Variants in PEX7 observed in about 807,000 individuals in gnomAD.
PEX7 encodes the protein PTS2 receptor.
In PEX7, 34 loss-of-function variants were observed where a neutral mutation model predicts 47.5. That is an observed-to-expected ratio of 0.72 (90% CI 0.54 to 0.95). The LOEUF (loss-of-function observed/expected upper bound fraction) is 0.95, where lower values mean the gene tolerates loss of function less well. PEX7 is among the 40% of genes least tolerant of loss of function. The pLI is 0.00. For synonymous variants in PEX7, 141 were observed against 148.8 expected, an observed-to-expected ratio of 0.95 and a Z score of 0.38; for missense variants, 394 against 400.3, an observed-to-expected ratio of 0.98 and a Z score of 0.13.
At chr6:136,843,493 G>A (rs1562733699) in intron 3 of PEX7, among the ~76,000 whole-genome samples, 2 of 152,176 alleles carry the variant, frequency 1.3e-5, no homozygotes, top group Non-Finnish European at 2.9e-5. Flanking sequence ...TGCTTGGTGT[G>A]TGCTATAAGA....
At chr6:136,828,548 T>C (rs1774238200) in intron 3 of PEX7, among the ~76,000 whole-genome samples, 1 of 152,236 alleles carries the variant, frequency 6.6e-6, no homozygotes, top group Non-Finnish European at 1.5e-5. Flanking sequence ...AGGAAACCTC[T>C]TGAAAATAGC....
chr6:136,886,851 G>A (rs1007447107), intron 8 of PEX7, among the ~76,000 whole-genome samples: 26 of 152,016 alleles, frequency 1.7e-4, no homozygotes, highest in Non-Finnish European at 2.5e-4. Context: ...CCAGGAATTC[G>A]AGACCAGCCT....
intron 1 of PEX7, among the ~76,000 whole-genome samples, chr6:136,824,332 C>G (rs1246847353): frequency 6.6e-6 from 1 of 152,160 alleles, no homozygotes; most frequent in Non-Finnish European, 1.5e-5. Context: ...TCACCAGTAG[C>G]TGGGACCACA....
chr6:136,847,753 T>A (rs1774654809), intron 5 of PEX7, among the ~76,000 whole-genome samples: 1 of 152,230 alleles, frequency 6.6e-6, no homozygotes, highest in Non-Finnish European at 1.5e-5. Context: ...TGTAGCCTTG[T>A]AGTATAGTTT....
At chr6:136,847,287 C>T (rs9494582) in intron 5 of PEX7, among the ~76,000 whole-genome samples, 90,167 of 151,554 alleles carry the variant, frequency 0.59, 26,817 homozygotes, top group South Asian at 0.61. Context: ...TCTCCCATTT[C>T]GTAGGTTGCC....
intron 1 of PEX7, 111 bp from the exon 2 acceptor site, chr6:136,825,102 TG>T: frequency 1.1e-6 from 1 of 882,454 alleles, no homozygotes; most frequent in South Asian, 1.4e-5. Flanking sequence ...CCAAATACTT[TG>T]GGGAAAAATT....
chr6:136,911,519 CCT>C (rs1775932457), intron 9 of PEX7, among the ~76,000 whole-genome samples: 1 of 152,064 alleles, frequency 6.6e-6, no homozygotes, highest in African/African-American at 2.4e-5. Context: ...GATTCTCCCA[CCT>C]CAGCCTCCCT....
At chr6:136,893,296 C>G (rs1775589190) in intron 8 of PEX7, among the ~76,000 whole-genome samples, 1 of 152,090 alleles carries the variant, frequency 6.6e-6, no homozygotes, top group Non-Finnish European at 1.5e-5. Flanking sequence ...TTCCCTTTCC[C>G]TGCGCCAGCC....
intron 8 of PEX7, among the ~76,000 whole-genome samples, chr6:136,874,840 A>G (rs905939446): frequency 1.3e-5 from 2 of 151,992 alleles, no homozygotes; most frequent in Admixed American, 6.6e-5. Flanking sequence ...TAATTTATCA[A>G]TTAGAACTAC....
At chr6:136,840,666 G>A (rs1774479992) in intron 3 of PEX7, among the ~76,000 whole-genome samples, 1 of 152,218 alleles carries the variant, frequency 6.6e-6, no homozygotes, top group Non-Finnish European at 1.5e-5. Context: ...TATAATCTAA[G>A]TGGTAACTTA....
chr6:136,899,080 CT>C lies in PEX7; in HGVS notation c.903+857del, dbSNP rs71547049. Among the ~76,000 whole-genome samples, 491 of 111,942 alleles carry C rather than the reference CT, an allele frequency of 4.4e-3. 2 individuals carry two copies. The East Asian group carries it at 0.079, about 18-fold the overall frequency. 73.4% of individuals were successfully genotyped at this position (111,942 alleles called of 152,430 possible). ...TATGTAAGTGTTTTTTTTTTCTTTTCTTTTTTTTTTTTTTTTTTGAGACAGA... is the reference window on the plus strand; with the variant it reads ...TATGTAAGTGTTTTTTTTTTCTTTTCTTTTTTTTTTTTTTTTTGAGACAGA... On this transcript the variant is annotated intron_variant, in intron 9 of 9. Coordinates refer to ENST00000318471, the MANE Select transcript of PEX7 (RefSeq NM_000288.4).
intron 5 of PEX7, among the ~76,000 whole-genome samples, chr6:136,861,895 T>TTA (rs1481657463): frequency 2.7e-5 from 4 of 146,120 alleles, no homozygotes; most frequent in African/African-American, 5.0e-5. Flanking sequence ...TTCACTATGT[T>TTA]TATATATATA....
chr6:136,860,437 T>C (rs1774938081), intron 5 of PEX7, among the ~76,000 whole-genome samples: 1 of 146,496 alleles, frequency 6.8e-6, no homozygotes, highest in Non-Finnish European at 1.5e-5. Flanking sequence ...TTTTAAATAT[T>C]GCATGAAAGT....
chr6:136,894,167 A>AG (rs1298836939), intron 8 of PEX7, among the ~76,000 whole-genome samples: 1 of 152,188 alleles, frequency 6.6e-6, no homozygotes, highest in Non-Finnish European at 1.5e-5. Context: ...CTCCAAAAAA[A>AG]GTAATAATAG....
At chr6:136,874,911 G>T (rs1171305176) in intron 8 of PEX7, among the ~76,000 whole-genome samples, 1 of 151,900 alleles carries the variant, frequency 6.6e-6, no homozygotes, top group Non-Finnish European at 1.5e-5. Context: ...AGGCTGAGGC[G>T]GGTGGATCAC....
chr6:136,885,397 T>C (rs1775451794), intron 8 of PEX7, among the ~76,000 whole-genome samples: 1 of 152,154 alleles, frequency 6.6e-6, no homozygotes, highest in Non-Finnish European at 1.5e-5. Flanking sequence ...GACATATGGA[T>C]TTGGGGGCAA....
Position 136,900,596 on chromosome 6 carries a change from G to A in PEX7, c.903+2355G>A. Reference sequence around the variant, plus strand: ...GTGATGGTGGTGTGGGTCATCCTGTGAACCAGTCTTGCCTTTCCCTTGACA... The same window carrying A: ...GTGATGGTGGTGTGGGTCATCCTGTAAACCAGTCTTGCCTTTCCCTTGACA... On this transcript the variant is annotated intron_variant, in intron 9 of 9. Transcript: ENST00000318471. This position sits in a 1 kb window ranked among gnomAD's most constrained non-coding sequence, Gnocchi z 4.2. 2.7e-6 allele frequency: 1 copy of A among 372,474 alleles called. No homozygotes were observed. Among genetic ancestry groups the A allele is most frequent in the Non-Finnish European group, 5.3e-6 (1 of 190,134 alleles). 23.1% of individuals were successfully genotyped at this position (372,474 alleles called of 1,614,324 possible).
intron 8 of PEX7, among the ~76,000 whole-genome samples, chr6:136,895,747 A>T (rs1775637290): frequency 6.6e-6 from 1 of 152,226 alleles, no homozygotes; most frequent in South Asian, 2.1e-4. Flanking sequence ...ATGTTACATA[A>T]TTTCTACCAG....
At chr6:136,824,312 T>G (rs771567234) in intron 1 of PEX7, among the ~76,000 whole-genome samples, 4 of 152,180 alleles carry the variant, frequency 2.6e-5, no homozygotes, top group Non-Finnish European at 4.4e-5. Flanking sequence ...ATGATCCTCC[T>G]GTCTCAACCT....
Sources: gnomAD v4.1 joint callset for allele counts (sites outside exome capture counted in the v4.1 genomes callset) on GRCh38, gnomAD v4.1.1 for gene constraint, Gnocchi (gnomAD v3.1) non-coding constraint, MANE v1.5 for transcripts, NCBI Gene and HGNC (gene_info 2026-07-23, HGNC 2026-07-21) for gene names.